Variants in CNNM2 observed in about 807,000 individuals in gnomAD.
The protein encoded by CNNM2 is cyclin and CBS domain divalent metal cation transport mediator 2.
CNNM2 carries 12 observed loss-of-function variants against 66.9 expected under a neutral mutation model. That is an observed-to-expected ratio of 0.18 (90% CI 0.11 to 0.29). CNNM2 has a LOEUF of 0.29. CNNM2 is among the 10% of genes least tolerant of loss of function. The pLI is 1.00. For synonymous variants in CNNM2, 557 were observed against 501.8 expected (o/e 1.11, Z -1.47); for missense variants, 705 against 1,167.7 (o/e 0.60, Z 5.77).
intron 1 of CNNM2, among the ~76,000 whole-genome samples, chr10:102,928,675 C>A (rs549710835): frequency 6.6e-6 from 1 of 152,110 alleles, no homozygotes; most frequent in South Asian, 2.1e-4. Context: ...TGAGAGCCTT[C>A]ATATGGCATC....
intron 1 of CNNM2, among the ~76,000 whole-genome samples, chr10:103,017,051 G>A (rs748977663): frequency 6.6e-6 from 1 of 151,734 alleles, no homozygotes; most frequent in Admixed American, 6.6e-5. Flanking sequence ...TTCAAGTCTG[G>A]TGTTAAGTTC....
chr10:103,087,591 C>CTATT lies in CNNM2; in HGVS notation c.*10412_*10415dup, dbSNP rs1486667263. ...CTAAAAGAGACAATATGTAAATGTA[C>CTATT]TATTATAATAAGGTAGCTCTGCAGA... On this transcript the variant is annotated 3_prime_UTR_variant, in exon 8 of 8. Coordinates refer to ENST00000369878, the MANE Select transcript of CNNM2 (RefSeq NM_017649.5). 6.6e-6 allele frequency: 1 copy of CTATT among 152,142 alleles called. No homozygotes were observed. Among genetic ancestry groups the CTATT allele is most frequent in the Admixed American group, 6.5e-5 (1 of 15,278 alleles). The allele number at this position is 152,142 out of a possible 1,614,324, so 9.4% of individuals were successfully genotyped here.
At chr10:102,958,616 G>A (rs1420327286) in intron 1 of CNNM2, among the ~76,000 whole-genome samples, 1 of 151,452 alleles carries the variant, frequency 6.6e-6, no homozygotes, top group African/African-American at 2.4e-5. Flanking sequence ...GATTACAGGT[G>A]CATGCCACCA....
At position 102,950,294 on chromosome 10, in the gene CNNM2, G is replaced by A. The variant is rs190778805; in HGVS notation, c.1621+30193G>A. ...AAATGAAATGTTTGTAAGTTATGAA[G>A]GTTACAGTTTCAGGCTGATAAGGAG... is the stretch of plus-strand genomic sequence containing the variant. On this transcript the variant is annotated intron_variant, in intron 1 of 7. Transcript: ENST00000369878. 1.6e-4 allele frequency among the ~76,000 whole-genome samples: 25 copies of A among 152,254 alleles called. No homozygotes were observed. The East Asian group carries it at 3.7e-3, about 22-fold the overall frequency.
At chr10:102,964,810 C>A (rs567709887) in intron 1 of CNNM2, among the ~76,000 whole-genome samples, 1 of 152,162 alleles carries the variant, frequency 6.6e-6, no homozygotes, top group Admixed American at 6.5e-5. Flanking sequence ...GAGTGGATCC[C>A]CTCCAAAATT....
rs79701627 is a variant in CNNM2 at position 103,012,069 on chromosome 10, A to G, written c.1622-37638A>G. Among the ~76,000 whole-genome samples, 622 of 152,282 alleles carry G rather than the reference A, an allele frequency of 4.1e-3. 20 individuals are homozygous for G. In the East Asian group the frequency reaches 0.073, roughly 18 times the overall value. ...TTGCTATCAGATCAGCACACTCTTC[A>G]GAGGCAGCCATTGTTATTCTTGTAT... is the stretch of plus-strand genomic sequence containing the variant. On this transcript the variant is annotated intron_variant, in intron 1 of 7. Coordinates refer to ENST00000369878, the MANE Select transcript of CNNM2 (RefSeq NM_017649.5).
At chr10:102,923,836 A>G (rs1394247404) in intron 1 of CNNM2, among the ~76,000 whole-genome samples, 4 of 152,180 alleles carry the variant, frequency 2.6e-5, no homozygotes, top group Admixed American at 2.0e-4. Context: ...GGGCTGCTCT[A>G]CAGCTGTTTT....
intron 1 of CNNM2, among the ~76,000 whole-genome samples, chr10:102,987,530 C>T (rs1181392414): frequency 6.6e-6 from 1 of 151,882 alleles, no homozygotes; most frequent in Admixed American, 6.6e-5. Flanking sequence ...ACCATGTTGG[C>T]GAGGATGGTC....
intron 1 of CNNM2, among the ~76,000 whole-genome samples, chr10:102,971,263 A>G (rs570039097): frequency 2.1e-4 from 23 of 110,518 alleles, no homozygotes; most frequent in South Asian, 5.9e-4. Context: ...AAAAAAAAAG[A>G]AAAAAAAAAA....
At chr10:103,024,455 T>C (rs1484138406) in intron 1 of CNNM2, among the ~76,000 whole-genome samples, 2 of 152,116 alleles carry the variant, frequency 1.3e-5, no homozygotes, top group Admixed American at 6.5e-5. Flanking sequence ...ACTGTGATAA[T>C]ACCAAGCAAA....
chr10:103,012,265 A>G (rs991459271), intron 1 of CNNM2, among the ~76,000 whole-genome samples: 10 of 152,326 alleles, frequency 6.6e-5, no homozygotes, highest in African/African-American at 1.9e-4. Flanking sequence ...TTGCCCTCCA[A>G]TGAAATTATA....
chr10:103,011,691 T>A (rs988120075), intron 1 of CNNM2, among the ~76,000 whole-genome samples: 4 of 148,448 alleles, frequency 2.7e-5, no homozygotes, highest in African/African-American at 9.9e-5. Flanking sequence ...TGTGTATGTA[T>A]AATTTTTTTT....
chr10:102,965,880 G>GTT (rs940760665), intron 1 of CNNM2, among the ~76,000 whole-genome samples: 1 of 152,012 alleles, frequency 6.6e-6, no homozygotes, highest in African/African-American at 2.4e-5. Context: ...AGGTCTCTGT[G>GTT]TTTTCTGTTT....
intron 4 of CNNM2, among the ~76,000 whole-genome samples, chr10:103,062,789 A>G (rs1336520531): frequency 6.6e-6 from 1 of 152,186 alleles, no homozygotes; most frequent in Admixed American, 6.5e-5. Context: ...GTGTCGTGCT[A>G]TTATTTGGCC....
chr10:102,923,378 A>G (rs1845728688), intron 1 of CNNM2, among the ~76,000 whole-genome samples: 1 of 152,210 alleles, frequency 6.6e-6, no homozygotes, highest in Non-Finnish European at 1.5e-5. Flanking sequence ...ATGAAGTATT[A>G]TCTCCATTTT....
In CNNM2 at chr10:103,084,435, T is replaced by C. The variant is rs2065784267; in HGVS notation, c.*7255T>C. ...TGTATCTTAGCCCAGTGAAATGCTG[T>C]CTTCGAACCCTGCTTGCTTTCATTA... is the stretch of plus-strand genomic sequence containing the variant. On this transcript the variant is annotated 3_prime_UTR_variant, in exon 8 of 8. Coordinates refer to ENST00000369878, the MANE Select transcript of CNNM2 (RefSeq NM_017649.5). The C allele has an allele frequency of 1.3e-5, 2 of 152,174 alleles. No homozygotes were observed. Among genetic ancestry groups the C allele is most frequent in the South Asian group, 4.1e-4 (2 of 4,824 alleles). The allele number at this position is 152,174 out of a possible 1,614,324, so 9.4% of individuals were successfully genotyped here.
At position 103,000,853 on chromosome 10, in the gene CNNM2, G is replaced by A. The variant is rs570113030; in HGVS notation, c.1622-48854G>A. On this transcript the variant is annotated intron_variant, in intron 1 of 7. Coordinates refer to ENST00000369878, the MANE Select transcript of CNNM2 (RefSeq NM_017649.5). ...CTTGGCTTCCCAGAGTGCTGGGATT[G>A]CAGGCATGAGCCACTGTACCTGGCC... Among the ~76,000 whole-genome samples the A allele has an allele frequency of 6.2e-4, 94 of 152,278 alleles. No homozygotes were observed. Among genetic ancestry groups the A allele is most frequent in the Non-Finnish European group, 1.1e-3 (77 of 68,028 alleles).
intron 1 of CNNM2, among the ~76,000 whole-genome samples, chr10:103,044,937 C>G (rs145915271): frequency 1.8e-3 from 281 of 152,286 alleles, no homozygotes; most frequent in African/African-American, 5.9e-3. Context: ...TCAAGTATGT[C>G]CATCTGCATT....
At chr10:103,025,077 G>A (rs1590413391) in intron 1 of CNNM2, among the ~76,000 whole-genome samples, 1 of 151,880 alleles carries the variant, frequency 6.6e-6, no homozygotes, top group African/African-American at 2.4e-5. Context: ...AGTTGGCTCC[G>A]TTCTATTTTA....
Sources: gnomAD v4.1 joint callset for allele counts (sites outside exome capture counted in the v4.1 genomes callset) on GRCh38, gnomAD v4.1.1 for gene constraint, MANE v1.5 for transcripts, NCBI Gene and HGNC (gene_info 2026-07-23, HGNC 2026-07-21) for gene names.